FLNB: variants seen among roughly 807,000 people sequenced by gnomAD.
FLNB encodes the protein filamin B.
Under a neutral mutation model 250.6 loss-of-function variants are expected in FLNB, and 111 were observed. The ratio of observed to expected loss-of-function variants is 0.44; its 90% confidence interval spans 0.38 to 0.52. The LOEUF is 0.52. FLNB is among the 20% of genes least tolerant of loss of function. The pLI is 0.00. For missense variants in FLNB, 2,869 were observed against 3,447.8 expected (o/e 0.83, Z 4.20); for synonymous variants, 1,302 against 1,372.1 (o/e 0.95, Z 1.13).
rs2097345910 is a variant in FLNB at position 58,151,999 on chromosome 3, T to A, written c.6368-1376T>A. Among the ~76,000 whole-genome samples the A allele has an allele frequency of 2.0e-5, 3 of 152,248 alleles. No individual in the cohort carries two copies. The South Asian group carries it at 6.2e-4, about 31-fold the overall frequency. The stretch of plus-strand genomic sequence containing the variant: ...CATATCTTCGATTACTAGTGATATG[T>A]GTACTGTGTTTTCTTTTCATTTGCT... On this transcript the variant is annotated intron_variant, in intron 38 of 45. Coordinates refer to ENST00000295956, the MANE Select transcript of FLNB (RefSeq NM_001457.4).
At chr3:58,057,198 A>G (rs2097171896) in intron 1 of FLNB, among the ~76,000 whole-genome samples, 1 of 151,574 alleles carries the variant, frequency 6.6e-6, no homozygotes, top group Admixed American at 6.6e-5. Flanking sequence ...CTGATCCTGA[A>G]CTCCTGAGCT....
chr3:58,094,951 G>A lies in FLNB; in HGVS notation c.903G>A (p.Glu301=). ...TTGAGGACCCAGAAGGGAACAAAGA[G>A]GAGGTATGTTGGAGGATGCTGCCTC... ...VFVEDPEGNK[E]EAQVTPDSDK... The change falls in exon 5 of 46, where the codon GAG becomes GAA. Residue 301 remains glutamate, a synonymous_variant. Coordinates refer to ENST00000295956, the MANE Select transcript of FLNB (RefSeq NM_001457.4). 1.2e-6 allele frequency: 2 copies of A among 1,612,332 alleles called. No homozygotes were observed. The highest frequency in any genetic ancestry group is 1.1e-5 in the South Asian group (1 of 91,040).
chr3:58,143,737 G>A, intron 32 of FLNB, 124 bp downstream of exon 32: 1 of 1,190,728 alleles, frequency 8.4e-7, no homozygotes, highest in Non-Finnish European at 1.2e-6. Context: ...TGCAGCGTTG[G>A]TACCCCTGTG....
At chr3:58,117,945 G>A (rs1004260725) in intron 18 of FLNB, among the ~76,000 whole-genome samples, 5 of 152,164 alleles carry the variant, frequency 3.3e-5, no homozygotes, top group Non-Finnish European at 5.9e-5. Flanking sequence ...ATTCTTGGGG[G>A]GAACTCGTCT....
At chr3:58,102,887 A>C (rs557566358) in intron 9 of FLNB, among the ~76,000 whole-genome samples, 25 of 152,336 alleles carry the variant, frequency 1.6e-4, no homozygotes, top group Admixed American at 1.3e-3. Context: ...GTACAGGTTA[A>C]ACCCTGCAAC....
At chr3:58,112,455 G>A in intron 18 of FLNB, 137 bp downstream of exon 18, 2 of 863,914 alleles carry the variant, frequency 2.3e-6, no homozygotes, top group Non-Finnish European at 1.9e-6. Flanking sequence ...GCAGCTCCTG[G>A]CACTTTGAAC....
chr3:58,162,176 G>A (rs2097362904), intron 42 of FLNB, among the ~76,000 whole-genome samples: 1 of 152,186 alleles, frequency 6.6e-6, no homozygotes, highest in Non-Finnish European at 1.5e-5. Context: ...CCTCTGTGGA[G>A]ACGTCCAGAG....
intron 41 of FLNB, among the ~76,000 whole-genome samples, chr3:58,158,027 G>A (rs1339104315): frequency 6.6e-6 from 1 of 151,678 alleles, no homozygotes; most frequent in African/African-American, 2.4e-5. Flanking sequence ...GCAACATCTG[G>A]TGCTGGTTAG....
intron 1 of FLNB, among the ~76,000 whole-genome samples, chr3:58,057,067 C>A (rs534374603): frequency 2.6e-4 from 40 of 152,292 alleles, no homozygotes; most frequent in Admixed American, 4.6e-4. Context: ...GCAGCCTTGA[C>A]CTCCTGGGCT....
intron 1 of FLNB, among the ~76,000 whole-genome samples, chr3:58,038,304 C>T (rs887195330): frequency 6.6e-6 from 1 of 152,172 alleles, no homozygotes; most frequent in African/African-American, 2.4e-5. Flanking sequence ...GTGGGGATTA[C>T]AGGCGTGAGC....
intron 12 of FLNB, 144 bp from the exon 13 acceptor site, chr3:58,108,314 C>T (rs2097263091): frequency 2.2e-5 from 15 of 690,680 alleles, no homozygotes; most frequent in African/African-American, 7.0e-5. Context: ...CACTTTACTT[C>T]CCATAACCAA....
chr3:58,155,808 C>T, intron 40 of FLNB, 152 bp from the exon 41 acceptor site: 1 of 660,934 alleles, frequency 1.5e-6, no homozygotes. Flanking sequence ...CATATCGGCC[C>T]AGCCTCAGCC....
At chr3:58,113,032 C>T (rs1434793841) in intron 18 of FLNB, among the ~76,000 whole-genome samples, 2 of 152,120 alleles carry the variant, frequency 1.3e-5, no homozygotes, top group Non-Finnish European at 2.9e-5. Flanking sequence ...AAATTTGTAT[C>T]GTGGTAAAAT....
chr3:58,075,229 C>G (rs2097200061), intron 1 of FLNB, among the ~76,000 whole-genome samples: 1 of 151,858 alleles, frequency 6.6e-6, no homozygotes, highest in Non-Finnish European at 1.5e-5. Context: ...TGGGGAGACA[C>G]CAAGATGCAG....
chr3:58,064,012 A>T lies in FLNB; in HGVS notation c.293-13034A>T, dbSNP rs568691613. ...AGGTCCTCAATGTCTTGCCCTGTGG[A>T]GACACCAGTTTTCATTATAATAACG... On this transcript the variant is annotated intron_variant, in intron 1 of 45. Transcript: ENST00000295956. Among the ~76,000 whole-genome samples the T allele has an allele frequency of 7.2e-5, 11 of 152,022 alleles. No individual in the cohort carries two copies. In the South Asian group the frequency reaches 2.3e-3, roughly 32 times the overall value.
Position 58,169,004 on chromosome 3 carries a change from C to T in FLNB, c.7417+346C>T. 3.0e-6 allele frequency: 1 copy of T among 335,776 alleles called. No individual in the cohort carries two copies. Among genetic ancestry groups the T allele is most frequent in the Non-Finnish European group, 5.7e-6 (1 of 174,684 alleles). 20.8% of individuals were successfully genotyped at this position (335,776 alleles called of 1,614,324 possible). The stretch of plus-strand genomic sequence containing the variant: ...AAAATAATCAAAAAGTTTTCCTATA[C>T]TTATAAAAATGTGTCTCCTCCAAAA... On this transcript the variant is annotated intron_variant, in intron 44 of 45. Transcript: ENST00000295956. This position sits in a 1 kb window ranked among gnomAD's most constrained non-coding sequence, Gnocchi z 4.8.
rs777678654 is a variant in FLNB, at chr3:58,077,237, A to T, written c.484A>T (p.Asn162Tyr). 10 of 1,614,196 alleles carry T rather than the reference A, an allele frequency of 6.2e-6. No homozygotes were observed. The highest frequency in any genetic ancestry group is 7.6e-6 in the Non-Finnish European group (9 of 1,180,020). The change falls in exon 2 of 46, where the codon AAC becomes TAC. Residue 162 changes from asparagine to tyrosine, a missense_variant. This residue lies in a region of FLNB where 308 missense variants were observed against 466.1 expected (regional missense o/e 0.66). Coordinates refer to ENST00000295956, the MANE Select transcript of FLNB (RefSeq NM_001457.4). ...KIPYLPITNF[N>Y]QNWQDGKALG... ...CCCCTACTTGCCCATCACCAACTTTAACCAGAACTGGCAAGACGGCAAAGC... is the reference window on the plus strand; with the variant it reads ...CCCCTACTTGCCCATCACCAACTTTTACCAGAACTGGCAAGACGGCAAAGC...
intron 1 of FLNB, among the ~76,000 whole-genome samples, chr3:58,070,050 T>TTTC (rs66983238): frequency 0.29 from 21,350 of 72,960 alleles, 1,779 homozygotes; most frequent in African/African-American, 0.42. Context: ...TCTTTCTTTC[T>TTTC]TTTTTTTTTT....
chr3:58,078,569 T>C, intron 2 of FLNB, 148 bp from the exon 3 acceptor site: 2 of 1,530,494 alleles, frequency 1.3e-6, no homozygotes, highest in Non-Finnish European at 1.8e-6. Context: ...GTGATACTTT[T>C]TGCCTATTAA....
Sources: allele counts gnomAD v4.1 joint callset (sites outside exome capture counted in the v4.1 genomes callset), GRCh38; gene constraint gnomAD v4.1.1; regional missense constraint gnomAD v4.1.1; non-coding constraint Gnocchi (gnomAD v3.1); transcripts MANE v1.5; gene names NCBI Gene and HGNC (gene_info 2026-07-23, HGNC 2026-07-21).